Variants in TMTC1 observed in about 807,000 individuals in gnomAD.
The protein encoded by TMTC1 is transmembrane O-mannosyltransferase targeting cadherins 1, also known as protein O-mannosyl-transferase TMTC1.
Under a neutral mutation model 104.8 loss-of-function variants are expected in TMTC1, and 73 were observed. The ratio of observed to expected loss-of-function variants is 0.70; its 90% CI spans 0.58 to 0.85. The LOEUF is 0.85. TMTC1 is among the 40% of genes least tolerant of loss of function. The pLI is 0.00. For missense variants in TMTC1, 1,035 were observed against 1,096.1 expected (o/e 0.94, Z 0.79); for synonymous variants, 434 against 428.7 (o/e 1.01, Z -0.15).
At chr12:29,723,474 A>T (rs1942295260) in intron 5 of TMTC1, among the ~76,000 whole-genome samples, 1 of 152,146 alleles carries the variant, frequency 6.6e-6, no homozygotes, top group African/African-American at 2.4e-5. Context: ...TAATCCCAGC[A>T]CTTTGGGAGG....
intron 9 of TMTC1, among the ~76,000 whole-genome samples, chr12:29,557,714 T>G (rs1029619572): frequency 6.7e-6 from 1 of 148,654 alleles, no homozygotes; most frequent in Non-Finnish European, 1.5e-5. Flanking sequence ...CCTCCCAAAG[T>G]GCTGGGATTA....
At chr12:29,659,634 G>T (rs1461520779) in intron 5 of TMTC1, among the ~76,000 whole-genome samples, 2 of 152,070 alleles carry the variant, frequency 1.3e-5, no homozygotes, top group African/African-American at 4.8e-5. Context: ...TATAGCAACA[G>T]AAAATGAACT....
At position 29,543,223 on chromosome 12, in the gene TMTC1, A is replaced by G. The variant is rs12423770; in HGVS notation, c.1677-6906T>C. 9.6e-3 allele frequency among the ~76,000 whole-genome samples: 1,458 copies of G among 152,306 alleles called. 16 individuals carry two copies. Among genetic ancestry groups the G allele is most frequent in the South Asian group, 0.038 (182 of 4,822 alleles). On this transcript the variant is annotated intron_variant, in intron 10 of 17. Coordinates refer to ENST00000539277, the MANE Select transcript of TMTC1 (RefSeq NM_001193451.2). ...TTTTTCCTGTGTGTTAAGTAAAAACATTTGCATCGTGTCACTTTCATGGCT... is the reference window on the plus strand; with the variant it reads ...TTTTTCCTGTGTGTTAAGTAAAAACGTTTGCATCGTGTCACTTTCATGGCT...
chr12:29,604,107 G>C lies in TMTC1; in HGVS notation c.1250+71C>G. ...TCTAATGGTCTACACACAGAAGACT[G>C]TCTCTCTGGAACTATCAATGTTGGT... is the stretch of plus-strand genomic sequence containing the variant. On this transcript the variant is annotated intron_variant, in intron 7 of 17. Transcript: ENST00000539277. 5 of 1,592,016 alleles carry C rather than the reference G, an allele frequency of 3.1e-6. No individual in the cohort carries two copies. The South Asian group carries it at 4.5e-5, about 14-fold the overall frequency.
chr12:29,514,466 T>TATG lies in TMTC1; in HGVS notation c.2430+13_2430+15dup. 2 of 1,594,544 alleles carry TATG rather than the reference T, an allele frequency of 1.3e-6. No homozygotes were observed. The highest frequency in any genetic ancestry group is 2.7e-5 in the African/African-American group (2 of 73,532). The stretch of plus-strand genomic sequence containing the variant: ...ATCTGTGAATTTGATGATATAATTT[T>TATG]ATGATGAGTTTATACCTCAAAAGCT... On this transcript the variant is annotated intron_variant, in intron 16 of 17. Coordinates refer to ENST00000539277, the MANE Select transcript of TMTC1 (RefSeq NM_001193451.2).
Position 29,669,966 on chromosome 12 carries a change from T to C in TMTC1, c.939-36630A>G, listed in dbSNP as rs558580166. ...TTGAGTCTCCTGATGGCCAATTCAA[T>C]GCCTTTTTGCTGCATCACTGGTCTC... On this transcript the variant is annotated intron_variant, in intron 5 of 17. Coordinates refer to ENST00000539277, the MANE Select transcript of TMTC1 (RefSeq NM_001193451.2). 2.0e-4 allele frequency among the ~76,000 whole-genome samples: 30 copies of C among 152,308 alleles called. No individual in the cohort carries two copies. The East Asian group carries it at 5.8e-3, about 29-fold the overall frequency.
intron 5 of TMTC1, chr12:29,659,812 C>A: frequency 2.5e-6 from 3 of 1,194,600 alleles, no homozygotes; most frequent in South Asian, 1.4e-5. Context: ...GCAAAGTCAG[C>A]CTGTAATTTA....
intron 8 of TMTC1, among the ~76,000 whole-genome samples, chr12:29,582,447 G>A (rs977827874): frequency 6.6e-6 from 1 of 152,190 alleles, no homozygotes; most frequent in African/African-American, 2.4e-5. Flanking sequence ...GCAGGCATGT[G>A]ACTAATCTTA....
chr12:29,635,546 T>C (rs1304893955), intron 5 of TMTC1, among the ~76,000 whole-genome samples: 1 of 152,252 alleles, frequency 6.6e-6, no homozygotes, highest in Non-Finnish European at 1.5e-5. Context: ...TGAGGTCCTT[T>C]ATTTATAATA....
At chr12:29,626,130 A>G (rs1213123493) in intron 6 of TMTC1, among the ~76,000 whole-genome samples, 3 of 152,244 alleles carry the variant, frequency 2.0e-5, no homozygotes, top group African/African-American at 7.2e-5. Context: ...ATAATAAATA[A>G]ATAAAATTTA....
At chr12:29,514,744 C>T (rs555948998) in intron 15 of TMTC1, 140 bp from the exon 16 acceptor site, 14 of 930,766 alleles carry the variant, frequency 1.5e-5, no homozygotes, top group South Asian at 3.7e-5. Context: ...CTTGGTCAGG[C>T]GTAGTGGCTA....
intron 8 of TMTC1, among the ~76,000 whole-genome samples, chr12:29,573,199 A>T (rs1945729700): frequency 6.6e-6 from 1 of 152,170 alleles, no homozygotes; most frequent in Non-Finnish European, 1.5e-5. Context: ...GTTACTCAAC[A>T]ATGGAGGGTG....
intron 8 of TMTC1, among the ~76,000 whole-genome samples, chr12:29,572,474 C>A (rs1293756610): frequency 1.3e-5 from 2 of 152,154 alleles, no homozygotes; most frequent in Non-Finnish European, 2.9e-5. Context: ...GAACAAAATG[C>A]CCTTAGCATA....
intron 5 of TMTC1, among the ~76,000 whole-genome samples, chr12:29,677,244 C>G (rs1280261999): frequency 2.6e-5 from 4 of 151,918 alleles, no homozygotes; most frequent in African/African-American, 4.8e-5. Flanking sequence ...CATGAATAAC[C>G]CTTTATCTGC....
At position 29,604,252 on chromosome 12, in the gene TMTC1, G is replaced by C. The variant is rs990834420; in HGVS notation, c.1176C>G (p.Phe392Leu). The C allele has an allele frequency of 2.5e-6, 4 of 1,613,806 alleles. No individual in the cohort carries two copies. In the African/African-American group the frequency reaches 5.3e-5, roughly 22 times the overall value. Residue 392 changes from phenylalanine to leucine, a missense_variant, in exon 7 of 18, where the codon TTC (phenylalanine) becomes TTG (leucine). Phe to Leu is a conservative substitution (Grantham distance 22). Coordinates refer to ENST00000539277, the MANE Select transcript of TMTC1 (RefSeq NM_001193451.2). ...EVLVGLLFLV[F>L]PFIPASNLFF... The stretch of plus-strand genomic sequence containing the variant: ...AGAGGTTGCTGGCTGGAATGAACGG[G>C]AACACCAGGAACAACAAGCCGACTA...
At chr12:29,693,633 C>G (rs958856874) in intron 5 of TMTC1, among the ~76,000 whole-genome samples, 2 of 151,878 alleles carry the variant, frequency 1.3e-5, no homozygotes, top group Admixed American at 1.3e-4. Flanking sequence ...AAATGCTGTG[C>G]ACTAAAAATG....
chr12:29,784,556 A>G (rs1943913161), upstream of TMTC1: 2 of 152,164 alleles, frequency 1.3e-5, no homozygotes, highest in African/African-American at 4.8e-5. Context: ...GGACAAGGAC[A>G]TCCTGCTCGC....
Position 29,583,417 on chromosome 12 carries a change from ACT to A in TMTC1, c.1406_1407del (p.Glu469ValfsTer79), listed in dbSNP as rs2136329702. On this transcript the variant is annotated frameshift_variant, in exon 8 of 18. Transcript: ENST00000539277. LOFTEE classifies it high-confidence loss of function. ...VKQNEIWLSR[E>X]SLFRSGVQTL... ...TCTGTCTAGTCATACCTGAATAGGG[ACT>A]CTCTTGACAGCCAAATTTCATTCTG... is the stretch of plus-strand genomic sequence containing the variant. 1.2e-6 allele frequency: 2 copies of A among 1,613,856 alleles called. No homozygotes were observed. The highest frequency in any genetic ancestry group is 4.5e-5 in the East Asian group (2 of 44,854).
chr12:29,750,388 T>C (rs1388827391), intron 5 of TMTC1, among the ~76,000 whole-genome samples: 1 of 152,138 alleles, frequency 6.6e-6, no homozygotes, highest in African/African-American at 2.4e-5. Context: ...CTCACATTGT[T>C]CAGTCAGTGT....
Sources: gnomAD v4.1 joint callset for allele counts (sites outside exome capture counted in the v4.1 genomes callset) on GRCh38, gnomAD v4.1.1 for gene constraint, MANE v1.5 for transcripts, NCBI Gene and HGNC (gene_info 2026-07-23, HGNC 2026-07-21) for gene names.